Variants in IMPG2 observed in about 807,000 individuals in gnomAD.
IMPG2 encodes interphotoreceptor matrix proteoglycan 2.
Under a neutral mutation model 129.2 loss-of-function variants are expected in IMPG2, and 91 were observed. The ratio of observed to expected loss-of-function variants is 0.70; its 90% CI spans 0.59 to 0.84. The LOEUF is 0.84. Among genes scored for constraint, IMPG2 ranks in the 40% least tolerant of loss-of-function variants. IMPG2 has a pLI of 0.00. For missense variants in IMPG2, 1,430 were observed against 1,461.7 expected (o/e 0.98, Z 0.35); for synonymous variants, 510 against 517.7 (o/e 0.99, Z 0.20).
At chr3:101,278,037 C>T (rs1271349305) in intron 4 of IMPG2, among the ~76,000 whole-genome samples, 1 of 152,286 alleles carries the variant, frequency 6.6e-6, no homozygotes, top group East Asian at 1.9e-4. Context: ...CAGTTCGAGA[C>T]CAGCCTGGCC....
chr3:101,283,835 C>T (rs1706918250), intron 4 of IMPG2, among the ~76,000 whole-genome samples: 1 of 152,126 alleles, frequency 6.6e-6, no homozygotes. Context: ...TTGATAAACA[C>T]TGTTCTAAGC....
intron 2 of IMPG2, among the ~76,000 whole-genome samples, chr3:101,310,226 G>A (rs1707247547): frequency 6.6e-6 from 1 of 152,176 alleles, no homozygotes; most frequent in African/African-American, 2.4e-5. Flanking sequence ...TATCTAGAGG[G>A]AATTGCACTG....
chr3:101,310,591 A>T (rs1178826378), intron 2 of IMPG2, among the ~76,000 whole-genome samples: 1 of 113,752 alleles, frequency 8.8e-6, no homozygotes, highest in African/African-American at 3.2e-5. Flanking sequence ...AAAAAAAAAG[A>T]TGGTTACAGA....
intron 11 of IMPG2, among the ~76,000 whole-genome samples, chr3:101,250,999 T>C (rs1314277901): frequency 6.6e-6 from 1 of 152,172 alleles, no homozygotes; most frequent in East Asian, 1.9e-4. Context: ...GGGAATTAAC[T>C]TTTTTCCTTT....
intron 6 of IMPG2, 111 bp downstream of exon 6, chr3:101,275,552 C>T: frequency 2.5e-6 from 2 of 800,990 alleles, no homozygotes; most frequent in African/African-American, 1.7e-5. Flanking sequence ...TGTCATTTTT[C>T]TAACAGGACA....
rs1267949448 is a variant in IMPG2, at chr3:101,224,295, A to C, written c.*2674T>G. 6.6e-6 allele frequency: 1 copy of C among 152,232 alleles called. No individual in the cohort carries two copies. The highest frequency in any genetic ancestry group is 1.5e-5 in the Non-Finnish European group (1 of 68,038). 9.4% of individuals were successfully genotyped at this position (152,232 alleles called of 1,614,324 possible). ...AAAAAAGGATAGTGTATATAATTCA[A>C]TTATAAAGGCTACATCTGTAAAACA... On this transcript the variant is annotated 3_prime_UTR_variant, in exon 19 of 19. Coordinates refer to ENST00000193391, the MANE Select transcript of IMPG2 (RefSeq NM_016247.4).
At chr3:101,314,860 TAATCCAAA>T (rs2058775995) in intron 2 of IMPG2, among the ~76,000 whole-genome samples, 1 of 152,106 alleles carries the variant, frequency 6.6e-6, no homozygotes, top group Non-Finnish European at 1.5e-5. Flanking sequence ...TGAACATCCC[TAATCCAAA>T]AATCCAAAAT....
intron 7 of IMPG2, among the ~76,000 whole-genome samples, chr3:101,271,652 A>G (rs1317754341): frequency 6.6e-6 from 1 of 152,194 alleles, no homozygotes; most frequent in East Asian, 1.9e-4. Flanking sequence ...ACTGAAGCCC[A>G]TATTCTTCCC....
chr3:101,237,709 T>A (rs1229252471), intron 14 of IMPG2, among the ~76,000 whole-genome samples: 2 of 152,000 alleles, frequency 1.3e-5, no homozygotes, highest in Non-Finnish European at 2.9e-5. Context: ...AGAAACTCCA[T>A]GCAAAGGTCA....
intron 14 of IMPG2, among the ~76,000 whole-genome samples, chr3:101,242,445 G>A (rs1169643718): frequency 1.3e-5 from 2 of 152,182 alleles, no homozygotes; most frequent in African/African-American, 4.8e-5. Flanking sequence ...AGATGTAGTG[G>A]GTAGAGAAAG....
chr3:101,234,481 T>C (rs1428874324), intron 14 of IMPG2, among the ~76,000 whole-genome samples: 1 of 152,114 alleles, frequency 6.6e-6, no homozygotes, highest in African/African-American at 2.4e-5. Flanking sequence ...ACCTAGTTTG[T>C]GGTACTTTGT....
intron 2 of IMPG2, among the ~76,000 whole-genome samples, chr3:101,313,348 T>C (rs1038146492): frequency 3.3e-5 from 5 of 152,146 alleles, no homozygotes; most frequent in Non-Finnish European, 7.4e-5. Flanking sequence ...AAAGAGGTAC[T>C]AAGGAAGGTA....
chr3:101,259,368 A>G (rs904579804), intron 9 of IMPG2, among the ~76,000 whole-genome samples: 6 of 152,164 alleles, frequency 3.9e-5, no homozygotes, highest in Non-Finnish European at 7.4e-5. Context: ...ATAAAAATAA[A>G]TTAATGAAAA....
chr3:101,304,355 T>G (rs1576770367), intron 2 of IMPG2, 43 bp from the exon 3 acceptor site: 1 of 1,559,610 alleles, frequency 6.4e-7, no homozygotes, highest in East Asian at 2.2e-5. Flanking sequence ...GCTAACATGC[T>G]CTGGGGTTCT....
intron 7 of IMPG2, among the ~76,000 whole-genome samples, chr3:101,272,101 A>ACACACACACACAGACACATG (rs1706789869): frequency 4.7e-4 from 1 of 2,110 alleles, no homozygotes; most frequent in Admixed American, 8.5e-3. Flanking sequence ...TTACACACGC[A>ACACACACACACAGACACATG]CACACACACA....
At chr3:101,227,397 G>A (rs772383302) in intron 18 of IMPG2, among the ~76,000 whole-genome samples, 1 of 152,196 alleles carries the variant, frequency 6.6e-6, no homozygotes, top group Non-Finnish European at 1.5e-5. Flanking sequence ...GACTCTGTGT[G>A]TGTATTTTAA....
chr3:101,302,840 C>A (rs1707152659), intron 3 of IMPG2, among the ~76,000 whole-genome samples: 1 of 152,120 alleles, frequency 6.6e-6, no homozygotes, highest in South Asian at 2.1e-4. Context: ...ACACACAAAA[C>A]CCTGCACAGC....
intron 4 of IMPG2, among the ~76,000 whole-genome samples, chr3:101,283,711 G>C (rs924557634): frequency 1.3e-5 from 2 of 151,962 alleles, no homozygotes; most frequent in Non-Finnish European, 2.9e-5. Flanking sequence ...AAATACAAAA[G>C]AGTGCATGAA....
intron 4 of IMPG2, among the ~76,000 whole-genome samples, chr3:101,283,486 G>T (rs916380795): frequency 6.6e-6 from 1 of 152,050 alleles, no homozygotes; most frequent in Non-Finnish European, 1.5e-5. Flanking sequence ...TATGATGAAG[G>T]TGTTTTGTTT....
Sources: gnomAD v4.1 joint callset for allele counts (sites outside exome capture counted in the v4.1 genomes callset) on GRCh38, gnomAD v4.1.1 for gene constraint, MANE v1.5 for transcripts, NCBI Gene and HGNC (gene_info 2026-07-23, HGNC 2026-07-21) for gene names.